Variants in PRSS50 observed in about 807,000 individuals in gnomAD.
PRSS50 encodes probable threonine protease PRSS50.
A neutral mutation model predicts 34.2 loss-of-function variants in PRSS50; 23 were observed. The observed-to-expected ratio is 0.67, with a 90% CI of 0.48 to 0.95. The LOEUF (loss-of-function observed/expected upper bound fraction) is 0.95. Ranked by LOEUF, PRSS50 falls within the 40% of genes least tolerant of loss-of-function variation. PRSS50 has a pLI of 0.00. For missense variants in PRSS50, 484 were observed against 513.4 expected (o/e 0.94, Z 0.55); for synonymous variants, 224 against 211.2 (o/e 1.06, Z -0.53).
Position 46,715,614 on chromosome 3 carries a change from G to C in PRSS50, c.391C>G (p.Arg131Gly). The change falls in exon 3 of 6, where the codon CGG (arginine) becomes GGG (glycine). Residue 131 changes from arginine (R) to glycine (G), a missense_variant. Transcript: ENST00000315170. This position sits in a 1 kb window ranked among gnomAD's most constrained non-coding sequence, Gnocchi z 5.2. ...GCACAGATGTGTGTGCCATTGGCCCGCACGCTGACCATCCAGGGCCACCGC... is the reference window on the plus strand; with the variant it reads ...GCACAGATGTGTGTGCCATTGGCCCCCACGCTGACCATCCAGGGCCACCGC... ...ARRWPWMVSV[R>G]ANGTHICAGT... 4 of 1,612,984 alleles carry C rather than the reference G, an allele frequency of 2.5e-6. No individual in the cohort carries two copies. The highest frequency in any genetic ancestry group is 3.4e-6 in the Non-Finnish European group (4 of 1,179,750).
Position 46,717,812 on chromosome 3 carries a change from A to C in PRSS50, c.13T>G (p.Cys5Gly), listed in dbSNP as rs1433834616. 6.5e-6 allele frequency: 10 copies of C among 1,526,934 alleles called. No individual in the cohort carries two copies. Among genetic ancestry groups the C allele is most frequent in the Non-Finnish European group, 8.8e-6 (10 of 1,137,852 alleles). 94.6% of individuals were successfully genotyped at this position (1,526,934 alleles called of 1,614,324 possible). Residue 5 changes from cysteine (C) to glycine (G), a missense_variant, in exon 1 of 6, where the codon TGC (cysteine) becomes GGC (glycine). By Grantham distance (159) the Cys-to-Gly change is radical. Coordinates refer to ENST00000315170, the MANE Select transcript of PRSS50 (RefSeq NM_013270.5). The surrounding 1 kb of genome is among the most constrained non-coding windows in gnomAD (Gnocchi z 4.5). Reference sequence around the variant, plus strand: ...CGCTGCCCGCGCGCGACGGTCTGGCACCAGCGACCCATCCCGGGGTGGCAG... The same window carrying C: ...CGCTGCCCGCGCGCGACGGTCTGGCCCCAGCGACCCATCCCGGGGTGGCAG... MGRW[C>G]QTVARGQRPR...
At chr3:46,712,616 C>T (rs186395929) in intron 5 of PRSS50, 134 bp from the exon 6 acceptor site, 1 of 868,092 alleles carries the variant, frequency 1.2e-6, no homozygotes, top group African/African-American at 1.7e-5. Flanking sequence ...GAGAAGTGCT[C>T]CAGACCCAGG....
rs72899387 is a variant in PRSS50, at chr3:46,715,931, G to A, written c.308-234C>T. On this transcript the variant is annotated intron_variant, in intron 2 of 5. Coordinates refer to ENST00000315170, the MANE Select transcript of PRSS50 (RefSeq NM_013270.5). This position sits in a 1 kb window ranked among gnomAD's most constrained non-coding sequence, Gnocchi z 5.2. ...CTGTTCCCACAGCCCGGGCCCTAGA[G>A]CATCCCCAGCCGACCAGCCCAGTGT... Among the ~76,000 whole-genome samples the A allele has an allele frequency of 0.039, 5,907 of 152,212 alleles. 142 individuals carry two copies. The highest frequency in any genetic ancestry group is 0.073 in the African/African-American group (3,045 of 41,514).
Position 46,716,976 on chromosome 3 carries a change from G to A in PRSS50, c.307+461C>T, listed in dbSNP as rs1212437051. Among the ~76,000 whole-genome samples, 1 of 152,216 alleles carries A rather than the reference G, an allele frequency of 6.6e-6. No homozygotes were observed. The highest frequency in any genetic ancestry group is 1.5e-5 in the Non-Finnish European group (1 of 68,040). On this transcript the variant is annotated intron_variant, in intron 2 of 5. Transcript: ENST00000315170. The surrounding 1 kb of genome is among the most constrained non-coding windows in gnomAD (Gnocchi z 4.4). ...CTGTTAAACATGCCTGAAAGCCACT[G>A]GGCAAGAGAACGTCTTACGTGTGCA...
chr3:46,717,351 C>T lies in PRSS50; in HGVS notation c.307+86G>A. On this transcript the variant is annotated intron_variant, in intron 2 of 5. Coordinates refer to ENST00000315170, the MANE Select transcript of PRSS50 (RefSeq NM_013270.5). The surrounding 1 kb of genome is among the most constrained non-coding windows in gnomAD (Gnocchi z 4.5). ...TCCTCTATCCTGCTCGCCCCCGTCC[C>T]TTCTGCTCCCCTAGCCCCAGCCAAG... 1 of 1,492,860 alleles carries T rather than the reference C, an allele frequency of 6.7e-7. No homozygotes were observed. Among genetic ancestry groups the T allele is most frequent in the Non-Finnish European group, 9.2e-7 (1 of 1,082,656 alleles). 92.5% of individuals were successfully genotyped at this position (1,492,860 alleles called of 1,614,324 possible). A position where few individuals can be genotyped will look rare whatever the true frequency, so the allele number is the denominator to read the frequency against.
Position 46,712,216 on chromosome 3 carries a change from G to A in PRSS50, c.*30C>T, listed in dbSNP as rs1257150928. On this transcript the variant is annotated 3_prime_UTR_variant, in exon 6 of 6. Coordinates refer to ENST00000315170, the MANE Select transcript of PRSS50 (RefSeq NM_013270.5). ...AGCAACCTGGGCACGGAGGCAAGGG[G>A]GGCCCACAAGTGAGGGAGGGCACAC... 3.2e-6 allele frequency: 5 copies of A among 1,570,536 alleles called. No individual in the cohort carries two copies. The highest frequency in any genetic ancestry group is 1.8e-5 in the Admixed American group (1 of 56,526).
At position 46,712,420 on chromosome 3, in the gene PRSS50, C is replaced by T; in HGVS notation, c.984G>A (p.Val328=). The T allele has an allele frequency of 6.2e-7, 1 of 1,614,074 alleles. No homozygotes were observed. The change falls in exon 6 of 6, where the codon GTG becomes GTA. Residue 328 remains valine (V), a synonymous_variant. Coordinates refer to ENST00000315170, the MANE Select transcript of PRSS50 (RefSeq NM_013270.5). ...TCTTCTGGCAGCCTGCACCCCAGCT[C>T]ACCAATCCCACCAGGTACCACGTGC... The part of the protein sequence containing the change: ...MEGTWYLVGL[V]SWGAGCQKSE...
chr3:46,717,728 T>C lies in PRSS50; in HGVS notation c.97A>G (p.Arg33Gly). The C allele has an allele frequency of 6.3e-7, 1 of 1,596,704 alleles. No homozygotes were observed. The highest frequency in any genetic ancestry group is 1.8e-4 in the Middle Eastern group (1 of 5,450). The change falls in exon 1 of 6, where the codon AGG (arginine) becomes GGG (glycine). Residue 33 changes from arginine (R) to glycine (G), a missense_variant. Transcript: ENST00000315170. This position sits in a 1 kb window ranked among gnomAD's most constrained non-coding sequence, Gnocchi z 4.5. Reference protein sequence around the residue: ...GALLLLLLLLRSAGCWGAGEA... With the variant: ...GALLLLLLLLGSAGCWGAGEA... ...ATCGGGAGGGACTCACCTGCAGACC[T>C]CAGCAACAGAAGCAGCAGCAGCAGG...
intron 5 of PRSS50, 39 bp from the exon 6 acceptor site, chr3:46,712,521 A>C (rs776508948): frequency 6.3e-7 from 1 of 1,597,118 alleles, no homozygotes; most frequent in South Asian, 1.1e-5. Context: ...CAGGGAGGCC[A>C]GGCAAGGCCA....
In PRSS50 at chr3:46,712,131, A is replaced by G. The variant is rs62246207; in HGVS notation, c.*115T>C. On this transcript the variant is annotated 3_prime_UTR_variant, in exon 6 of 6. Coordinates refer to ENST00000315170, the MANE Select transcript of PRSS50 (RefSeq NM_013270.5). The stretch of plus-strand genomic sequence containing the variant: ...GAAGAAGGAGGCATGGAAAACAGTA[A>G]TGTTTAATTGAGCACCTCATCTCCA... 58,460 of 927,966 alleles carry G rather than the reference A, an allele frequency of 0.063. 3,060 individuals are homozygous for G. The highest frequency in any genetic ancestry group is 0.2 in the African/African-American group (11,973 of 59,866). 57.5% of individuals were successfully genotyped at this position (927,966 alleles called of 1,614,324 possible). A position where few individuals can be genotyped will look rare whatever the true frequency, so the allele number is the denominator to read the frequency against.
intron 4 of PRSS50, 147 bp from the exon 5 acceptor site, chr3:46,713,214 A>G: frequency 1.0e-6 from 1 of 1,004,062 alleles, no homozygotes; most frequent in Non-Finnish European, 1.5e-6. Context: ...ATACCCATCT[A>G]GGGCCCTCAA....
chr3:46,714,728 G>A (rs1261202617), intron 3 of PRSS50, among the ~76,000 whole-genome samples: 4 of 152,192 alleles, frequency 2.6e-5, no homozygotes, highest in African/African-American at 9.6e-5. Flanking sequence ...GGGAAACTGA[G>A]GCTCAGAGAA....
rs1399336024 is a variant in PRSS50, at chr3:46,715,680, C to T, written c.325G>A (p.Glu109Lys). The T allele has an allele frequency of 2.1e-5, 34 of 1,604,378 alleles. No individual in the cohort carries two copies. Among genetic ancestry groups the T allele is most frequent in the African/African-American group, 6.7e-5 (5 of 74,678 alleles). ...GGGTCCCTGAGGGTGGGGTCCTGCT[C>T]GTAGGAAAAGCCACAGGCTGAGGAG... ...DPYRSCGFSY[E>K]QDPTLRDPEA... Residue 109 changes from glutamate (E) to lysine (K), a missense_variant, in exon 3 of 6, where the codon GAG becomes AAG. By Grantham distance (56) the Glu-to-Lys change is moderately conservative. Coordinates refer to ENST00000315170, the MANE Select transcript of PRSS50 (RefSeq NM_013270.5). This position sits in a 1 kb window ranked among gnomAD's most constrained non-coding sequence, Gnocchi z 5.2.
In PRSS50 at chr3:46,716,472, C is replaced by G. The variant is rs1700685361; in HGVS notation, c.308-775G>C. ...AGAGATAGAGTCCCACTATGTTGCC[C>G]AGGCAGGTCTCAAACTCCTGACCTC... is the stretch of plus-strand genomic sequence containing the variant. On this transcript the variant is annotated intron_variant, in intron 2 of 5. Coordinates refer to ENST00000315170, the MANE Select transcript of PRSS50 (RefSeq NM_013270.5). The surrounding 1 kb of genome is among the most constrained non-coding windows in gnomAD (Gnocchi z 4.4). Among the ~76,000 whole-genome samples the G allele has an allele frequency of 6.6e-6, 1 of 152,124 alleles. No individual in the cohort carries two copies. The highest frequency in any genetic ancestry group is 1.5e-5 in the Non-Finnish European group (1 of 68,014).
In PRSS50 at chr3:46,715,680, C is replaced by G; in HGVS notation, c.325G>C (p.Glu109Gln). The change falls in exon 3 of 6, where the codon GAG (glutamate) becomes CAG (glutamine). Residue 109 changes from glutamate to glutamine, a missense_variant. Physicochemically the swap from Glu to Gln is conservative, Grantham distance 29 (BLOSUM62 2). Coordinates refer to ENST00000315170, the MANE Select transcript of PRSS50 (RefSeq NM_013270.5). This position sits in a 1 kb window ranked among gnomAD's most constrained non-coding sequence, Gnocchi z 5.2. ...GGGTCCCTGAGGGTGGGGTCCTGCT[C>G]GTAGGAAAAGCCACAGGCTGAGGAG... Reference protein sequence around the residue: ...DPYRSCGFSYEQDPTLRDPEA... With the variant: ...DPYRSCGFSYQQDPTLRDPEA... 6.2e-7 allele frequency: 1 copy of G among 1,604,496 alleles called. No individual in the cohort carries two copies. The highest frequency in any genetic ancestry group is 8.5e-7 in the Non-Finnish European group (1 of 1,175,088).
Position 46,716,025 on chromosome 3 carries a change from A to G in PRSS50, c.308-328T>C, listed in dbSNP as rs1220279786. Among the ~76,000 whole-genome samples, 1 of 152,026 alleles carries G rather than the reference A, an allele frequency of 6.6e-6. No homozygotes were observed. Among genetic ancestry groups the G allele is most frequent in the East Asian group, 1.9e-4 (1 of 5,182 alleles). ...TCAGATCCTTCACTAACTTGTTCTC[A>G]TTTCCACCTGGTTCCACCCTCACCA... On this transcript the variant is annotated intron_variant, in intron 2 of 5. Coordinates refer to ENST00000315170, the MANE Select transcript of PRSS50 (RefSeq NM_013270.5). The surrounding 1 kb of genome is among the most constrained non-coding windows in gnomAD (Gnocchi z 4.4).
At position 46,715,630 on chromosome 3, in the gene PRSS50, G is replaced by A; in HGVS notation, c.375C>T (p.Pro125=). The A allele has an allele frequency of 6.2e-7, 1 of 1,612,048 alleles. No homozygotes were observed. The highest frequency in any genetic ancestry group is 8.5e-7 in the Non-Finnish European group (1 of 1,179,468). The change falls in exon 3 of 6, where the codon CCC becomes CCT. Residue 125 remains proline (P), a synonymous_variant. Transcript: ENST00000315170. This position sits in a 1 kb window ranked among gnomAD's most constrained non-coding sequence, Gnocchi z 5.2. ...RDPEAVARRW[P]WMVSVRANGT... ...CATTGGCCCGCACGCTGACCATCCA[G>A]GGCCACCGCCGAGCCACGGCTTCTG... is the stretch of plus-strand genomic sequence containing the variant.
In PRSS50 at chr3:46,716,512, C is replaced by G. The variant is rs1278086258; in HGVS notation, c.308-815G>C. Among the ~76,000 whole-genome samples, 1 of 152,182 alleles carries G rather than the reference C, an allele frequency of 6.6e-6. No individual in the cohort carries two copies. The highest frequency in any genetic ancestry group is 1.5e-5 in the Non-Finnish European group (1 of 68,038). ...CTCCTGACCTCAAGTGATCTTACTGCCTCAGCCTCCAAAAGCGCTGGGATT... is the reference window on the plus strand; with the variant it reads ...CTCCTGACCTCAAGTGATCTTACTGGCTCAGCCTCCAAAAGCGCTGGGATT... On this transcript the variant is annotated intron_variant, in intron 2 of 5. Transcript: ENST00000315170. This position sits in a 1 kb window ranked among gnomAD's most constrained non-coding sequence, Gnocchi z 4.4.
At chr3:46,713,217 G>C in intron 4 of PRSS50, 150 bp from the exon 5 acceptor site, 1 of 986,304 alleles carries the variant, frequency 1.0e-6, no homozygotes, top group Non-Finnish European at 1.5e-6. Context: ...CCCATCTAGG[G>C]CCCTCAACAC....
Sources: gnomAD v4.1 joint callset for allele counts (sites outside exome capture counted in the v4.1 genomes callset) on GRCh38, gnomAD v4.1.1 for gene constraint, Gnocchi (gnomAD v3.1) non-coding constraint, MANE v1.5 for transcripts, NCBI Gene and HGNC (gene_info 2026-07-23, HGNC 2026-07-21) for gene names.